Variants in WDR41 observed in about 807,000 individuals in gnomAD.
The protein encoded by WDR41 is WD repeat-containing protein 41.
A neutral mutation model predicts 69.3 loss-of-function variants in WDR41; 63 were observed. That is an observed-to-expected ratio of 0.91 (90% CI 0.74 to 1.12). The LOEUF (loss-of-function observed/expected upper bound fraction) is 1.12. Among genes scored for constraint, WDR41 ranks in the 50% most tolerant of loss-of-function variants. WDR41 has a pLI of 0.00. For missense variants in WDR41, 543 were observed against 534.5 expected, an observed-to-expected ratio of 1.02 and a Z score of -0.16; for synonymous variants, 185 against 192.1, an observed-to-expected ratio of 0.96 and a Z score of 0.31.
intron 1 of WDR41, among the ~76,000 whole-genome samples, chr5:77,571,656 T>G (rs1429092569): frequency 6.6e-6 from 1 of 152,208 alleles, no homozygotes; most frequent in Non-Finnish European, 1.5e-5. Context: ...TGGTCTTGAC[T>G]GCTGGCTGGA....
chr5:77,495,908 G>A (rs768830971), upstream of WDR41, among the ~76,000 whole-genome samples: 2 of 151,946 alleles, frequency 1.3e-5, no homozygotes, highest in Admixed American at 1.3e-4. Context: ...ATATTAACAA[G>A]TATTATTTAC....
intron 1 of WDR41, among the ~76,000 whole-genome samples, chr5:77,520,914 T>A (rs565876174): frequency 2.6e-5 from 4 of 152,158 alleles, no homozygotes; most frequent in Non-Finnish European, 4.4e-5. Flanking sequence ...TCAGCCGTCA[T>A]AAGTATCTGA....
intron 2 of WDR41, among the ~76,000 whole-genome samples, chr5:77,470,887 G>A (rs903123259): frequency 2.0e-5 from 3 of 151,852 alleles, no homozygotes; most frequent in Non-Finnish European, 2.9e-5. Flanking sequence ...AGTTAACAAG[G>A]ATATCCAGGA....
intron 1 of WDR41, among the ~76,000 whole-genome samples, chr5:77,558,490 A>G (rs1414119849): frequency 6.6e-6 from 1 of 152,168 alleles, no homozygotes; most frequent in Non-Finnish European, 1.5e-5. Context: ...AATTCCCCAG[A>G]GGACTGGGCC....
At chr5:77,586,394 C>T (rs543647285) in intron 1 of WDR41, among the ~76,000 whole-genome samples, 5 of 152,044 alleles carry the variant, frequency 3.3e-5, no homozygotes, top group African/African-American at 1.2e-4. Context: ...GTAGCCTCTA[C>T]CTTCTGGATT....
intron 2 of WDR41, among the ~76,000 whole-genome samples, chr5:77,488,499 A>T (rs1156278062): frequency 6.6e-6 from 1 of 152,046 alleles, no homozygotes; most frequent in Non-Finnish European, 1.5e-5. Flanking sequence ...AATAGACAGC[A>T]GAAGTGGTGG....
intron 1 of WDR41, among the ~76,000 whole-genome samples, chr5:77,618,110 G>C (rs186803030): frequency 2.0e-5 from 3 of 152,282 alleles, no homozygotes; most frequent in Admixed American, 2.0e-4. Context: ...GGCCAGAAAG[G>C]CTCAACATTG....
chr5:77,517,787 A>G (rs1802312261), intron 1 of WDR41, among the ~76,000 whole-genome samples: 2 of 152,082 alleles, frequency 1.3e-5, no homozygotes. Flanking sequence ...CAAATAAGAA[A>G]GATACAGTTA....
At chr5:77,533,545 T>C (rs911620526) in intron 1 of WDR41, among the ~76,000 whole-genome samples, 5 of 152,052 alleles carry the variant, frequency 3.3e-5, no homozygotes, top group Admixed American at 2.0e-4. Flanking sequence ...TCTATACCTA[T>C]CCCAAATACT....
At chr5:77,567,675 A>G (rs1743658894) in intron 1 of WDR41, among the ~76,000 whole-genome samples, 3 of 151,928 alleles carry the variant, frequency 2.0e-5, no homozygotes, top group Non-Finnish European at 4.4e-5. Context: ...AAAAAAAAAA[A>G]AAAAAAAAAT....
At chr5:77,612,754 C>T (rs1473398347) in intron 1 of WDR41, among the ~76,000 whole-genome samples, 3 of 150,442 alleles carry the variant, frequency 2.0e-5, no homozygotes, top group African/African-American at 7.3e-5. Flanking sequence ...TGCCCTCTCT[C>T]ACCACTCCTA....
At chr5:77,618,777 G>C (rs570591891) in intron 1 of WDR41, among the ~76,000 whole-genome samples, 2 of 152,246 alleles carry the variant, frequency 1.3e-5, no homozygotes, top group Admixed American at 6.5e-5. Context: ...AGCTATCTTT[G>C]AACATGTGAG....
intron 1 of WDR41, among the ~76,000 whole-genome samples, chr5:77,543,443 T>C (rs576295569): frequency 1.3e-5 from 2 of 151,420 alleles, no homozygotes; most frequent in East Asian, 1.9e-4. Context: ...AGGAAATAGA[T>C]AGCATAAATA....
At chr5:77,511,777 A>T (rs759770736) in intron 1 of WDR41, among the ~76,000 whole-genome samples, 18 of 152,068 alleles carry the variant, frequency 1.2e-4, no homozygotes, top group Non-Finnish European at 2.4e-4. Context: ...CACTATGACT[A>T]TTTAGAATGC....
In WDR41 at chr5:77,433,208, C is replaced by T. The variant is rs767400816; in HGVS notation, c.1307G>A (p.Arg436Gln). Residue 436 changes from arginine (R) to glutamine (Q), a missense_variant, in exon 13 of 13, where the codon CGA becomes CAA. By Grantham distance (43) the Arg-to-Gln change is conservative. Transcript: ENST00000296679. ...HLIILWKNGERESGLRSLRLF... is the reference protein window; with the variant it reads ...HLIILWKNGEQESGLRSLRLF... ...TCTTAAACTGCGCAATCCAGATTCT[C>T]GCTCTCCATTTTTCCACAAAATAAT... 22 of 1,613,962 alleles carry T rather than the reference C, an allele frequency of 1.4e-5. No homozygotes were observed. The highest frequency in any genetic ancestry group is 1.7e-5 in the Non-Finnish European group (20 of 1,179,980).
At chr5:77,521,475 A>G (rs572738715) in intron 1 of WDR41, among the ~76,000 whole-genome samples, 1 of 152,368 alleles carries the variant, frequency 6.6e-6, no homozygotes, top group African/African-American at 2.4e-5. Context: ...TTGTTTCCCT[A>G]GATGATTATG....
At chr5:77,466,636 G>C (rs1800320042) in intron 2 of WDR41, among the ~76,000 whole-genome samples, 1 of 151,870 alleles carries the variant, frequency 6.6e-6, no homozygotes, top group Non-Finnish European at 1.5e-5. Context: ...ATGGGATATA[G>C]AGCATTTAAC....
At position 77,509,075 on chromosome 5, in the gene WDR41, C is replaced by A. The variant is rs193036938; in HGVS notation, c.43-19503G>T. On this transcript the variant is annotated intron_variant, in intron 1 of 5. Transcript: ENST00000509971. ...GGTTTGTTCTGTTCTCAGGAGAACT[C>A]TTCTTAACTGTCCCTCTCTCTGGGT... Among the ~76,000 whole-genome samples, 21 of 152,248 alleles carry A rather than the reference C, an allele frequency of 1.4e-4. No homozygotes were observed. In the East Asian group the frequency reaches 3.9e-3, roughly 28 times the overall value.
chr5:77,610,684 C>T (rs1336330300), intron 1 of WDR41, among the ~76,000 whole-genome samples: 2 of 152,240 alleles, frequency 1.3e-5, no homozygotes, highest in African/African-American at 4.8e-5. Flanking sequence ...ACAACCAGTA[C>T]AAGCTGCTGC....
Sources: allele counts gnomAD v4.1 joint callset (sites outside exome capture counted in the v4.1 genomes callset), GRCh38; gene constraint gnomAD v4.1.1; transcripts MANE v1.5; gene names NCBI Gene and HGNC (gene_info 2026-07-23, HGNC 2026-07-21).